TMEM132D: variants seen among roughly 807,000 people sequenced by gnomAD.
TMEM132D encodes the protein mature OL transmembrane protein.
In TMEM132D, 21 loss-of-function variants were observed where a neutral mutation model predicts 62.3. The observed-to-expected ratio is 0.34, with a 90% confidence interval of 0.24 to 0.49. The LOEUF (loss-of-function observed/expected upper bound fraction) is 0.49. Ranked by LOEUF, TMEM132D falls within the 20% of genes least tolerant of loss-of-function variation. The pLI, the probability that TMEM132D is intolerant of heterozygous loss-of-function variation, is 0.99. For synonymous variants in TMEM132D, 621 were observed against 575.6 expected (o/e 1.08, Z -1.13); for missense variants, 1,346 against 1,402.8 (o/e 0.96, Z 0.65).
intron 1 of TMEM132D, among the ~76,000 whole-genome samples, chr12:129,790,328 A>G (rs936602243): frequency 2.6e-5 from 4 of 152,094 alleles, no homozygotes; most frequent in African/African-American, 9.7e-5. Context: ...CTCGCACCTG[A>G]ATTTTTGTCT....
chr12:129,598,067 A>AC (rs1427832407), intron 2 of TMEM132D, among the ~76,000 whole-genome samples: 1 of 152,218 alleles, frequency 6.6e-6, no homozygotes, highest in Non-Finnish European at 1.5e-5. Flanking sequence ...AACAACAACA[A>AC]AAAACTACAA....
chr12:129,211,773 A>T (rs753138211), intron 4 of TMEM132D, among the ~76,000 whole-genome samples: 9 of 152,218 alleles, frequency 5.9e-5, no homozygotes, highest in Non-Finnish European at 1.0e-4. Context: ...CATTATCCAT[A>T]CACTTTTTCT....
intron 4 of TMEM132D, among the ~76,000 whole-genome samples, chr12:129,210,766 C>A (rs911014982): frequency 6.6e-6 from 1 of 152,196 alleles, no homozygotes; most frequent in Non-Finnish European, 1.5e-5. Flanking sequence ...ATAAATAGGA[C>A]TCAACAGGGA....
intron 5 of TMEM132D, among the ~76,000 whole-genome samples, chr12:129,170,806 T>TAAAAA (rs35002656): frequency 6.8e-6 from 1 of 147,634 alleles, no homozygotes. Context: ...AGACTCCAAG[T>TAAAAA]AAAAAAAAAA....
intron 1 of TMEM132D, among the ~76,000 whole-genome samples, chr12:129,882,643 A>C (rs555921193): frequency 3.3e-5 from 5 of 152,342 alleles, no homozygotes; most frequent in Admixed American, 2.0e-4. Context: ...GTGAGATGAT[A>C]AATATGCTAA....
intron 2 of TMEM132D, among the ~76,000 whole-genome samples, chr12:129,659,746 C>A (rs1184997861): frequency 6.6e-6 from 1 of 152,118 alleles, no homozygotes; most frequent in African/African-American, 2.4e-5. Context: ...TGTTCACAAG[C>A]ATTTTTTCAT....
chr12:129,341,081 GCCC>G lies in TMEM132D; in HGVS notation c.1116-3267_1116-3265del, dbSNP rs576534263. On this transcript the variant is annotated intron_variant, in intron 3 of 8. Coordinates refer to ENST00000422113, the MANE Select transcript of TMEM132D (RefSeq NM_133448.3). ...TGACAGTGGGAATTTGAATTTTAAT[GCCC>G]CTTTGTAAATATTTAGCACTTAACA... 1.8e-4 allele frequency among the ~76,000 whole-genome samples: 27 copies of G among 152,276 alleles called. No individual in the cohort carries two copies. In the East Asian group the frequency reaches 5.0e-3, roughly 28 times the overall value.
chr12:129,152,349 GC>G (rs1415383822), intron 5 of TMEM132D, among the ~76,000 whole-genome samples: 2 of 152,184 alleles, frequency 1.3e-5, no homozygotes, highest in Non-Finnish European at 2.9e-5. Flanking sequence ...ACAAAGCAGA[GC>G]CCCAGGTCCA....
rs73429361 is a variant in TMEM132D at position 129,768,398 on chromosome 12, G to A, written c.80-67700C>T. On this transcript the variant is annotated intron_variant, in intron 1 of 8. Transcript: ENST00000422113. ...TTCTTGACAGTGGCCATCGTAATGG[G>A]TGTAAGGTGACAGTTATCTCATTGT... is the stretch of plus-strand genomic sequence containing the variant. Among the ~76,000 whole-genome samples the A allele has an allele frequency of 3.5e-3, 536 of 152,008 alleles. 1 individual carries two copies. Among genetic ancestry groups the A allele is most frequent in the African/African-American group, 0.013 (523 of 41,464 alleles).
In TMEM132D at chr12:129,466,324, T is replaced by TA. The variant is rs1566078758; in HGVS notation, c.1115+64734dup. On this transcript the variant is annotated intron_variant, in intron 3 of 8. Transcript: ENST00000422113. ...TTTTTTTTTTTTTTTTTTTTTTTTTTAGAGATGTGGTCTCACTCTGTCACA... is the reference window on the plus strand; with the variant it reads ...TTTTTTTTTTTTTTTTTTTTTTTTTTAAGAGATGTGGTCTCACTCTGTCACA... 1.9e-3 allele frequency among the ~76,000 whole-genome samples: 195 copies of TA among 100,762 alleles called. 5 individuals carry two copies. Among genetic ancestry groups the TA allele is most frequent in the African/African-American group, 7.4e-3 (185 of 24,944 alleles). The allele number at this position is 100,762 out of a possible 152,430, so 66.1% of individuals were successfully genotyped here.
intron 3 of TMEM132D, among the ~76,000 whole-genome samples, chr12:129,397,239 TC>T (rs1871456722): frequency 6.6e-6 from 1 of 152,198 alleles, no homozygotes; most frequent in African/African-American, 2.4e-5. Context: ...CTTCAAATGG[TC>T]TTTTGTAAAT....
At chr12:129,276,806 C>T (rs1004294393) in intron 4 of TMEM132D, among the ~76,000 whole-genome samples, 2 of 152,212 alleles carry the variant, frequency 1.3e-5, no homozygotes, top group African/African-American at 4.8e-5. Context: ...TTACCTAATG[C>T]ACAGCCCTGA....
intron 2 of TMEM132D, among the ~76,000 whole-genome samples, chr12:129,539,882 C>G (rs1253212980): frequency 6.6e-6 from 1 of 152,170 alleles, no homozygotes; most frequent in East Asian, 1.9e-4. Flanking sequence ...CACCTGCCAA[C>G]TCAGGGGAGC....
chr12:129,141,492 G>A (rs61944815), intron 5 of TMEM132D, among the ~76,000 whole-genome samples: 6,894 of 152,276 alleles, frequency 0.045, 196 homozygotes, highest in Non-Finnish European at 0.069. Context: ...ACATGATGAT[G>A]AGCAGTGCTT....
At position 129,653,445 on chromosome 12, in the gene TMEM132D, T is replaced by C. The variant is rs543781544; in HGVS notation, c.968+46365A>G. Among the ~76,000 whole-genome samples, 9 of 152,316 alleles carry C rather than the reference T, an allele frequency of 5.9e-5. No homozygotes were observed. In the South Asian group the frequency reaches 1.7e-3, roughly 28 times the overall value. ...GAAGAAGCAGCACATTATCTTTAAA[T>C]TCACTCTATCTTGTTACTTTTTCTT... On this transcript the variant is annotated intron_variant, in intron 2 of 8. Transcript: ENST00000422113.
intron 2 of TMEM132D, among the ~76,000 whole-genome samples, chr12:129,676,493 TGG>T (rs1382395346): frequency 6.6e-6 from 1 of 152,190 alleles, no homozygotes; most frequent in East Asian, 1.9e-4. Flanking sequence ...TGTGCAGACA[TGG>T]TACCAGCATC....
chr12:129,842,716 G>GCCTTGACCTCCC (rs1200278419), intron 1 of TMEM132D, among the ~76,000 whole-genome samples: 1 of 152,062 alleles, frequency 6.6e-6, no homozygotes, highest in Non-Finnish European at 1.5e-5. Flanking sequence ...CGATCCTCCA[G>GCCTTGACCTCCC]CCTTGACCTC....
chr12:129,508,516 G>A (rs939879774), intron 3 of TMEM132D, among the ~76,000 whole-genome samples: 4 of 152,062 alleles, frequency 2.6e-5, no homozygotes, highest in African/African-American at 4.8e-5. Flanking sequence ...CAAACAGAAC[G>A]TATCGCAGAA....
chr12:129,195,317 A>G (rs1878517458), intron 5 of TMEM132D, among the ~76,000 whole-genome samples: 1 of 152,008 alleles, frequency 6.6e-6, no homozygotes, highest in African/African-American at 2.4e-5. Flanking sequence ...AGTTGCAGGA[A>G]ATGAGGTGAG....
Sources: gnomAD v4.1 joint callset for allele counts (sites outside exome capture counted in the v4.1 genomes callset) on GRCh38, gnomAD v4.1.1 for gene constraint, MANE v1.5 for transcripts, NCBI Gene and HGNC (gene_info 2026-07-23, HGNC 2026-07-21) for gene names.